CAST: variants seen among roughly 807,000 people sequenced by gnomAD.
The protein encoded by CAST is MIR583 host.
In CAST, 76 loss-of-function variants were observed where a neutral mutation model predicts 119.6. The ratio of observed to expected loss-of-function variants is 0.64; its 90% CI spans 0.53 to 0.77. The LOEUF (loss-of-function observed/expected upper bound fraction) is 0.77. Ranked by LOEUF, CAST falls within the 30% of genes least tolerant of loss-of-function variation. CAST has a pLI of 0.00. For missense variants in CAST, 953 were observed against 946.5 expected, an observed-to-expected ratio of 1.01 and a Z score of -0.09; for synonymous variants, 319 against 331.6, an observed-to-expected ratio of 0.96 and a Z score of 0.41.
intron 1 of CAST, among the ~76,000 whole-genome samples, chr5:96,663,889 C>T (rs1423185532): frequency 1.3e-5 from 2 of 149,018 alleles, no homozygotes; most frequent in African/African-American, 4.9e-5. Context: ...CAAGCTGGCA[C>T]TTCTAGTGTT....
chr5:96,421,130 T>C, the CAST span, among the ~76,000 whole-genome samples: 1 of 152,230 alleles, frequency 6.6e-6, no homozygotes, highest in Non-Finnish European at 1.5e-5. Context: ...TGAAGTTTCT[T>C]TGGGGCTAGG....
chr5:96,347,689 C>T, the CAST span, among the ~76,000 whole-genome samples: 5 of 152,132 alleles, frequency 3.3e-5, no homozygotes, highest in African/African-American at 9.7e-5. Flanking sequence ...GCCTTATCAT[C>T]CCACACCAAG....
At chr5:96,425,788 C>A in the CAST span, 2 of 1,203,392 alleles carry the variant, frequency 1.7e-6, no homozygotes, top group East Asian at 2.3e-5. Flanking sequence ...GGTCCCAGGT[C>A]CCACCCACAT....
At chr5:96,680,040 C>A (rs1751167605) in intron 2 of CAST, among the ~76,000 whole-genome samples, 1 of 151,472 alleles carries the variant, frequency 6.6e-6, no homozygotes, top group Admixed American at 6.6e-5. Flanking sequence ...TAGAAAGTAC[C>A]AGAGAATTTA....
At chr5:96,378,127 A>G in the CAST span, among the ~76,000 whole-genome samples, 1 of 152,146 alleles carries the variant, frequency 6.6e-6, no homozygotes, top group Non-Finnish European at 1.5e-5. Flanking sequence ...ATAGAAGCAG[A>G]TAGTGGAATG....
the CAST span, among the ~76,000 whole-genome samples, chr5:96,231,810 TGGCCAA>T: frequency 6.6e-6 from 1 of 151,960 alleles, no homozygotes; most frequent in Non-Finnish European, 1.5e-5. Context: ...ATTTTGGCAG[TGGCCAA>T]GTTATTTAGC....
chr5:96,197,512 C>T, the CAST span, among the ~76,000 whole-genome samples: 1 of 152,134 alleles, frequency 6.6e-6, no homozygotes, highest in South Asian at 2.1e-4. Context: ...TTTCATTAAA[C>T]CTTAAGTACA....
chr5:96,444,545 C>T, the CAST span, among the ~76,000 whole-genome samples: 1 of 151,760 alleles, frequency 6.6e-6, no homozygotes, highest in Non-Finnish European at 1.5e-5. Context: ...ATCTTATTTA[C>T]TTTTTTCTTT....
At chr5:96,043,548 T>C in the CAST span, among the ~76,000 whole-genome samples, 1 of 152,176 alleles carries the variant, frequency 6.6e-6, no homozygotes, top group African/African-American at 2.4e-5. Context: ...GAACTCAAAG[T>C]TTCTTCATCT....
At chr5:96,611,304 C>G (rs1042976752) in intron 1 of CAST, among the ~76,000 whole-genome samples, 1 of 152,128 alleles carries the variant, frequency 6.6e-6, no homozygotes, top group Non-Finnish European at 1.5e-5. Flanking sequence ...AACAGAGCCA[C>G]TCATCTACAA....
the CAST span, among the ~76,000 whole-genome samples, chr5:96,026,989 T>C: frequency 6.6e-6 from 1 of 152,080 alleles, no homozygotes; most frequent in African/African-American, 2.4e-5. Flanking sequence ...AGCAGGAGGA[T>C]TGCTTGAGGC....
the CAST span, among the ~76,000 whole-genome samples, chr5:96,298,051 G>A: frequency 6.6e-6 from 1 of 152,166 alleles, no homozygotes; most frequent in African/African-American, 2.4e-5. Context: ...TTGCCACATG[G>A]TATTTGCTTA....
At chr5:96,085,536 G>T in the CAST span, among the ~76,000 whole-genome samples, 1 of 152,190 alleles carries the variant, frequency 6.6e-6, no homozygotes, top group Non-Finnish European at 1.5e-5. Flanking sequence ...CATACATATT[G>T]TTCAGTCTTA....
chr5:96,650,264 T>C (rs1306421041), intron 1 of CAST, among the ~76,000 whole-genome samples: 2 of 152,182 alleles, frequency 1.3e-5, no homozygotes, highest in African/African-American at 2.4e-5. Flanking sequence ...CATAGAAGAA[T>C]AATTAGGACT....
At chr5:96,255,626 C>T in the CAST span, among the ~76,000 whole-genome samples, 3 of 151,976 alleles carry the variant, frequency 2.0e-5, no homozygotes, top group Non-Finnish European at 2.9e-5. Flanking sequence ...ATGATGACCA[C>T]AGTTGTTTTT....
At chr5:96,308,418 GGAATTGTTATTACCCACCTTCT>G in the CAST span, among the ~76,000 whole-genome samples, 2 of 151,698 alleles carry the variant, frequency 1.3e-5, no homozygotes, top group Non-Finnish European at 1.5e-5. Flanking sequence ...TTAGCTCTGG[GGAATTGTTATTACCCACCTTCT>G]GAAGCCTACT....
intron 1 of CAST, among the ~76,000 whole-genome samples, chr5:96,626,535 G>C (rs930774810): frequency 3.9e-5 from 6 of 152,108 alleles, no homozygotes; most frequent in Admixed American, 2.0e-4. Flanking sequence ...GGCAGTGTCA[G>C]TGTCCTGTTT....
At chr5:96,666,825 G>A (rs181896539) in intron 1 of CAST, among the ~76,000 whole-genome samples, 199 of 152,250 alleles carry the variant, frequency 1.3e-3, no homozygotes, top group African/African-American at 4.1e-3. Context: ...CTGGGGGTGG[G>A]AACAGTGGGG....
chr5:96,425,032 GAAA>G, the CAST span, among the ~76,000 whole-genome samples: 1 of 98,276 alleles, frequency 1.0e-5, no homozygotes, highest in Non-Finnish European at 2.3e-5. Context: ...AAGAAAGAAA[GAAA>G]GAAAGAAAGA....
Sources: allele counts gnomAD v4.1 joint callset (sites outside exome capture counted in the v4.1 genomes callset), GRCh38; gene constraint gnomAD v4.1.1; transcripts MANE v1.5; gene names NCBI Gene and HGNC (gene_info 2026-07-23, HGNC 2026-07-21).